The following DOK6 variants were observed in gnomAD, a reference collection of about 807,000 sequenced individuals.
DOK6 encodes the protein docking protein 6.
A neutral mutation model predicts 44.0 loss-of-function variants in DOK6; 22 were observed. The observed-to-expected ratio is 0.50, with a 90% CI of 0.36 to 0.71. The LOEUF (loss-of-function observed/expected upper bound fraction) is 0.71. DOK6 is among the 30% of genes least tolerant of loss of function. The pLI is 0.00. For missense variants in DOK6, 340 were observed against 416.4 expected, an observed-to-expected ratio of 0.82 and a Z score of 1.60; for synonymous variants, 166 against 145.5, an observed-to-expected ratio of 1.14 and a Z score of -1.01.
At chr18:69,720,198 T>A (rs2144722931) in intron 5 of DOK6, among the ~76,000 whole-genome samples, 1 of 151,830 alleles carries the variant, frequency 6.6e-6, no homozygotes. Flanking sequence ...AAAAAAAAAT[T>A]TTTTTTTTAA....
At chr18:69,708,346 C>T (rs752186021) in intron 5 of DOK6, among the ~76,000 whole-genome samples, 1 of 152,126 alleles carries the variant, frequency 6.6e-6, no homozygotes, top group African/African-American at 2.4e-5. Context: ...GCTCCGACTC[C>T]GCTTCTGCAT....
intron 4 of DOK6, among the ~76,000 whole-genome samples, chr18:69,698,147 T>G (rs1986429000): frequency 6.6e-6 from 1 of 152,182 alleles, no homozygotes. Flanking sequence ...TTTAACTACT[T>G]AATCCTCACC....
At chr18:69,635,310 C>T (rs1599233446) in intron 3 of DOK6, among the ~76,000 whole-genome samples, 1 of 152,084 alleles carries the variant, frequency 6.6e-6, no homozygotes, top group Non-Finnish European at 1.5e-5. Context: ...TGGCTTGAGG[C>T]ACAGTTTTGT....
chr18:69,807,528 C>A (rs1185137734), intron 7 of DOK6, among the ~76,000 whole-genome samples: 1 of 151,844 alleles, frequency 6.6e-6, no homozygotes, highest in African/African-American at 2.4e-5. Flanking sequence ...AAAGACACAA[C>A]CATATGCTGC....
chr18:69,807,398 C>T (rs781655032), intron 7 of DOK6, among the ~76,000 whole-genome samples: 1 of 151,740 alleles, frequency 6.6e-6, no homozygotes, highest in African/African-American at 2.4e-5. Context: ...ATCTACAAAA[C>T]AACCAAAAAA....
chr18:69,698,134 C>T (rs1327367372), intron 4 of DOK6, among the ~76,000 whole-genome samples: 1 of 152,150 alleles, frequency 6.6e-6, no homozygotes, highest in Non-Finnish European at 1.5e-5. Context: ...TTCCATTGTA[C>T]AATTTAACTA....
intron 4 of DOK6, among the ~76,000 whole-genome samples, chr18:69,687,459 A>G (rs1361786176): frequency 6.6e-6 from 1 of 152,212 alleles, no homozygotes; most frequent in Non-Finnish European, 1.5e-5. Flanking sequence ...AGGCAGGTGC[A>G]TAATTTTAAG....
intron 1 of DOK6, among the ~76,000 whole-genome samples, chr18:69,432,298 GC>G (rs1399586258): frequency 1.3e-5 from 2 of 152,098 alleles, no homozygotes; most frequent in African/African-American, 4.8e-5. Context: ...AAAAACCTTA[GC>G]CAGAAGTGCT....
At chr18:69,492,113 G>C (rs1980751112) in intron 1 of DOK6, among the ~76,000 whole-genome samples, 1 of 152,124 alleles carries the variant, frequency 6.6e-6, no homozygotes, top group Non-Finnish European at 1.5e-5. Flanking sequence ...AATTCTAATT[G>C]TTATCTTATT....
intron 7 of DOK6, among the ~76,000 whole-genome samples, chr18:69,811,834 A>G (rs1024262774): frequency 6.6e-6 from 1 of 151,898 alleles, no homozygotes; most frequent in Non-Finnish European, 1.5e-5. Context: ...GGAACCTCAG[A>G]TCTCCTGATT....
intron 1 of DOK6, among the ~76,000 whole-genome samples, chr18:69,550,874 C>G (rs1416721545): frequency 2.0e-5 from 3 of 148,912 alleles, no homozygotes; most frequent in Non-Finnish European, 4.4e-5. Flanking sequence ...ACCGCTGCCT[C>G]TGGGGTTCAA....
At chr18:69,618,641 G>A (rs1984368582) in intron 3 of DOK6, 1 of 152,466 alleles carries the variant, frequency 6.6e-6, no homozygotes, top group South Asian at 2.1e-4. Context: ...AGCGAAACGG[G>A]TTTCCCCTTA....
At chr18:69,762,145 G>A (rs537998524) in intron 7 of DOK6, among the ~76,000 whole-genome samples, 22 of 109,060 alleles carry the variant, frequency 2.0e-4, no homozygotes, top group Non-Finnish European at 3.7e-4. Flanking sequence ...CTCCATCTCT[G>A]CATGCATACA....
intron 7 of DOK6, among the ~76,000 whole-genome samples, chr18:69,835,357 G>A (rs1025849909): frequency 6.6e-6 from 1 of 152,098 alleles, no homozygotes; most frequent in Non-Finnish European, 1.5e-5. Flanking sequence ...CCCAGCTACT[G>A]GGGAGGCTGA....
intron 5 of DOK6, among the ~76,000 whole-genome samples, chr18:69,736,833 G>A (rs886830924): frequency 1.3e-5 from 2 of 152,144 alleles, no homozygotes; most frequent in African/African-American, 4.8e-5. Context: ...CATCTTCAAT[G>A]AAATGGTGAC....
intron 1 of DOK6, among the ~76,000 whole-genome samples, chr18:69,536,034 A>G (rs1013582982): frequency 6.6e-6 from 1 of 152,164 alleles, no homozygotes; most frequent in Non-Finnish European, 1.5e-5. Flanking sequence ...CAATGTCCAC[A>G]TAATTAGCAC....
intron 2 of DOK6, among the ~76,000 whole-genome samples, chr18:69,588,298 T>C (rs762470502): frequency 5.3e-5 from 8 of 152,208 alleles, no homozygotes; most frequent in African/African-American, 1.9e-4. Context: ...TTATTACATA[T>C]TATAGCAGAA....
chr18:69,830,378 T>G (rs945498659), intron 7 of DOK6, among the ~76,000 whole-genome samples: 4 of 152,104 alleles, frequency 2.6e-5, no homozygotes, highest in Admixed American at 2.6e-4. Flanking sequence ...TAAAATGAGA[T>G]CATATGGGTA....
At chr18:69,625,526 G>C (rs898225240) in intron 3 of DOK6, among the ~76,000 whole-genome samples, 2 of 152,134 alleles carry the variant, frequency 1.3e-5, no homozygotes, top group Non-Finnish European at 2.9e-5. Flanking sequence ...ATAAATATTT[G>C]TCTTTGCTCT....
Sources: gnomAD v4.1 joint callset for allele counts (sites outside exome capture counted in the v4.1 genomes callset) on GRCh38, gnomAD v4.1.1 for gene constraint, MANE v1.5 for transcripts, NCBI Gene and HGNC (gene_info 2026-07-23, HGNC 2026-07-21) for gene names.